The following SPON1 variants were observed in gnomAD, a reference collection of about 807,000 sequenced individuals.
The protein encoded by SPON1 is spondin 1, also known as spondin-1.
In SPON1, 52 loss-of-function variants were observed where a neutral mutation model predicts 111.7. The ratio of observed to expected loss-of-function variants is 0.47; its 90% CI spans 0.37 to 0.59. The LOEUF (loss-of-function observed/expected upper bound fraction) is 0.59. Among genes scored for constraint, SPON1 ranks in the 20% least tolerant of loss-of-function variants. The pLI, the probability that SPON1 is intolerant of heterozygous loss-of-function variation, is 0.00. For missense variants in SPON1, 957 were observed against 1,068.5 expected, an observed-to-expected ratio of 0.90 and a Z score of 1.46; for synonymous variants, 410 against 395.8, an observed-to-expected ratio of 1.04 and a Z score of -0.43.
At chr11:14,169,349 T>G (rs1331510583) in intron 6 of SPON1, among the ~76,000 whole-genome samples, 11 of 150,714 alleles carry the variant, frequency 7.3e-5, no homozygotes, top group Admixed American at 3.3e-4. Flanking sequence ...TGATGGGGTT[T>G]TTTTTTTCTT....
chr11:14,193,579 A>G lies in SPON1; in HGVS notation c.826-49753A>G, dbSNP rs118100395. Among the ~76,000 whole-genome samples, 214 of 152,260 alleles carry G rather than the reference A, an allele frequency of 1.4e-3. 1 individual carries two copies. Among genetic ancestry groups the G allele is most frequent in the Middle Eastern group, 3.4e-3 (1 of 294 alleles). The stretch of plus-strand genomic sequence containing the variant: ...TGCATTTTAAGTGAACTCACATTCA[A>G]TGTCACTTTGTGGGATGCTTGGGGA... On this transcript the variant is annotated intron_variant, in intron 6 of 15. Coordinates refer to ENST00000576479, the MANE Select transcript of SPON1 (RefSeq NM_006108.4).
At position 14,229,951 on chromosome 11, in the gene SPON1, C is replaced by CGTGTGTGTGT. The variant is rs55709324; in HGVS notation, c.826-13352_826-13343dup. ...GTGTCTGTCTGTCTGTCTGTGTGTC[C>CGTGTGTGTGT]GTGTGTGTGTGTGTGTGTGTGTGTG... On this transcript the variant is annotated intron_variant, in intron 6 of 15. Coordinates refer to ENST00000576479, the MANE Select transcript of SPON1 (RefSeq NM_006108.4). Among the ~76,000 whole-genome samples the CGTGTGTGTGT allele has an allele frequency of 3.2e-3, 469 of 145,066 alleles. 6 individuals carry two copies. The highest frequency in any genetic ancestry group is 0.011 in the African/African-American group (429 of 38,914).
At chr11:14,165,337 G>A (rs189992294) in intron 6 of SPON1, among the ~76,000 whole-genome samples, 10 of 152,066 alleles carry the variant, frequency 6.6e-5, no homozygotes, top group Non-Finnish European at 1.0e-4. Flanking sequence ...TATGAGGATG[G>A]GAAAAGGCCG....
chr11:14,196,867 T>C (rs914641446), intron 6 of SPON1, among the ~76,000 whole-genome samples: 1 of 152,134 alleles, frequency 6.6e-6, no homozygotes, highest in Non-Finnish European at 1.5e-5. Context: ...CTGGCCAACA[T>C]GGCGAAACTC....
intron 2 of SPON1, among the ~76,000 whole-genome samples, chr11:14,025,220 C>T (rs1848508880): frequency 6.6e-6 from 1 of 152,244 alleles, no homozygotes. Flanking sequence ...TCTCATTCCT[C>T]CTCTTACAGA....
chr11:14,060,731 C>T (rs1158448379), intron 3 of SPON1, among the ~76,000 whole-genome samples: 7 of 152,210 alleles, frequency 4.6e-5, no homozygotes, highest in Admixed American at 4.6e-4. Flanking sequence ...AAAATGTCTA[C>T]TACAGAGTGC....
chr11:14,140,393 G>GT (rs1232446218), intron 6 of SPON1, among the ~76,000 whole-genome samples: 1 of 151,970 alleles, frequency 6.6e-6, no homozygotes, highest in Admixed American at 6.6e-5. Flanking sequence ...ATCTTCAGTG[G>GT]TATTTGTTTT....
At chr11:14,181,286 A>T (rs1468902879) in intron 6 of SPON1, among the ~76,000 whole-genome samples, 1 of 152,190 alleles carries the variant, frequency 6.6e-6, no homozygotes, top group Non-Finnish European at 1.5e-5. Flanking sequence ...TTCCACTTCC[A>T]TAGTGGTTTA....
chr11:14,081,698 G>A (rs1395732767), intron 5 of SPON1, among the ~76,000 whole-genome samples: 1 of 152,052 alleles, frequency 6.6e-6, no homozygotes, highest in African/African-American at 2.4e-5. Context: ...AGAACAGTAG[G>A]AATGGGAGAG....
chr11:14,156,177 A>G (rs1214664190), intron 6 of SPON1, among the ~76,000 whole-genome samples: 1 of 134,332 alleles, frequency 7.4e-6, no homozygotes, highest in Non-Finnish European at 1.7e-5. Flanking sequence ...CTTTTTAATG[A>G]TTGCCATTCT....
At chr11:14,203,336 C>T (rs1848483966) in intron 6 of SPON1, among the ~76,000 whole-genome samples, 1 of 152,202 alleles carries the variant, frequency 6.6e-6, no homozygotes, top group Non-Finnish European at 1.5e-5. Context: ...CACACACAGA[C>T]TGGGCTGCTG....
At chr11:14,195,480 A>T (rs1848390433) in intron 6 of SPON1, among the ~76,000 whole-genome samples, 1 of 152,184 alleles carries the variant, frequency 6.6e-6, no homozygotes, top group Non-Finnish European at 1.5e-5. Flanking sequence ...AATCAGAAAC[A>T]CTGTAATACC....
chr11:13,963,428 G>A (rs1273286327), intron 1 of SPON1, among the ~76,000 whole-genome samples: 1 of 152,190 alleles, frequency 6.6e-6, no homozygotes, highest in Non-Finnish European at 1.5e-5. Flanking sequence ...ACGTCACGCC[G>A]GCCTGACTGC....
intron 2 of SPON1, among the ~76,000 whole-genome samples, chr11:13,990,446 A>G (rs1554911006): frequency 1.1e-5 from 1 of 89,948 alleles, no homozygotes; most frequent in South Asian, 4.1e-4. Flanking sequence ...CCATCCCTTT[A>G]TTTTGAGCCT....
intron 5 of SPON1, among the ~76,000 whole-genome samples, chr11:14,106,556 C>T (rs1849185803): frequency 6.6e-6 from 1 of 152,228 alleles, no homozygotes; most frequent in Non-Finnish European, 1.5e-5. Flanking sequence ...GCATACATCC[C>T]TCCCAATCTG....
chr11:14,047,331 T>A (rs1289412101), intron 3 of SPON1, among the ~76,000 whole-genome samples: 1 of 152,142 alleles, frequency 6.6e-6, no homozygotes, highest in Non-Finnish European at 1.5e-5. Flanking sequence ...GGAAGACCCT[T>A]TAGCTAAGAA....
chr11:14,091,319 G>A (rs939343227), intron 5 of SPON1, among the ~76,000 whole-genome samples: 12 of 151,160 alleles, frequency 7.9e-5, no homozygotes, highest in African/African-American at 2.4e-4. Flanking sequence ...GTCCCGTGCC[G>A]AGCGCTGGCA....
chr11:14,012,733 T>C (rs1554913861), intron 2 of SPON1, among the ~76,000 whole-genome samples: 1 of 152,092 alleles, frequency 6.6e-6, no homozygotes, highest in African/African-American at 2.4e-5. Context: ...TTGGGGAGAA[T>C]TTCCCTTTTA....
At chr11:14,145,074 C>T (rs1847702629) in intron 6 of SPON1, among the ~76,000 whole-genome samples, 1 of 152,176 alleles carries the variant, frequency 6.6e-6, no homozygotes. Context: ...AATAAAGATT[C>T]TGTCACAGAT....
Sources: allele counts gnomAD v4.1 joint callset (sites outside exome capture counted in the v4.1 genomes callset), GRCh38; gene constraint gnomAD v4.1.1; transcripts MANE v1.5; gene names NCBI Gene and HGNC (gene_info 2026-07-23, HGNC 2026-07-21).